Variants in OPCML observed in about 807,000 individuals in gnomAD.
OPCML encodes opioid binding protein/cell adhesion molecule like, also known as opioid-binding protein/cell adhesion molecule.
A neutral mutation model predicts 37.8 loss-of-function variants in OPCML; 13 were observed. The ratio of observed to expected loss-of-function variants is 0.34; its 90% confidence interval spans 0.22 to 0.55. The LOEUF (loss-of-function observed/expected upper bound fraction) is 0.55, where lower values mean the gene tolerates loss of function less well. Ranked by LOEUF, OPCML falls within the 20% of genes least tolerant of loss-of-function variation. The pLI, the probability that OPCML is intolerant of heterozygous loss-of-function variation, is 0.91. For missense variants in OPCML, 341 were observed against 435.6 expected (o/e 0.78, Z 1.93); for synonymous variants, 176 against 168.8 (o/e 1.04, Z -0.33).
At chr11:132,498,455 A>T (rs1330300904) in intron 4 of OPCML, among the ~76,000 whole-genome samples, 1 of 152,234 alleles carries the variant, frequency 6.6e-6, no homozygotes, top group Non-Finnish European at 1.5e-5. Context: ...AATTTTTGCC[A>T]TGCAGCTACA....
Position 132,812,308 on chromosome 11 carries a change from A to C in OPCML, c.146+130618T>G, listed in dbSNP as rs539080233. Among the ~76,000 whole-genome samples, 5 of 152,190 alleles carry C rather than the reference A, an allele frequency of 3.3e-5. 1 individual carries two copies. The South Asian group carries it at 1.0e-3, about 32-fold the overall frequency. On this transcript the variant is annotated intron_variant, in intron 2 of 7. Transcript: ENST00000524381. ...TTTACTCCCTGTGTCTGAAAGGTGA[A>C]CCTGAGCAACAGGTGGCAATAAAAA...
Position 132,811,714 on chromosome 11 carries a change from G to A in OPCML, c.146+131212C>T, listed in dbSNP as rs147980309. Among the ~76,000 whole-genome samples the A allele has an allele frequency of 5.3e-5, 8 of 152,166 alleles. No homozygotes were observed. In the East Asian group the frequency reaches 1.6e-3, roughly 29 times the overall value. ...GCCTTAGAGTGTCGGCAACCCCACA[G>A]GAAATTAATAAGAGCCTTAATCACT... is the stretch of plus-strand genomic sequence containing the variant. On this transcript the variant is annotated intron_variant, in intron 2 of 7. Transcript: ENST00000524381.
intron 1 of OPCML, among the ~76,000 whole-genome samples, chr11:133,493,870 T>C (rs1320998141): frequency 1.3e-5 from 2 of 152,246 alleles, no homozygotes; most frequent in East Asian, 3.9e-4. Context: ...TGGGATCTAA[T>C]TAAACTAAAG....
chr11:132,513,138 T>C (rs764586321), intron 4 of OPCML, among the ~76,000 whole-genome samples: 2 of 152,138 alleles, frequency 1.3e-5, no homozygotes, highest in African/African-American at 2.4e-5. Context: ...CAATGGTTAG[T>C]GCTGCTTAAT....
At chr11:133,245,094 G>A (rs1382717907) in intron 1 of OPCML, among the ~76,000 whole-genome samples, 5 of 152,174 alleles carry the variant, frequency 3.3e-5, no homozygotes, top group Non-Finnish European at 7.3e-5. Flanking sequence ...CTGCCATTGT[G>A]TAAAAGGTGG....
At chr11:133,399,081 G>A (rs536656640) in intron 1 of OPCML, among the ~76,000 whole-genome samples, 1 of 152,202 alleles carries the variant, frequency 6.6e-6, no homozygotes, top group South Asian at 2.1e-4. Flanking sequence ...TTTGTTACTT[G>A]CTTCCCTTTC....
intron 3 of OPCML, among the ~76,000 whole-genome samples, chr11:132,608,077 C>T (rs773951788): frequency 9.2e-5 from 14 of 152,056 alleles, no homozygotes; most frequent in African/African-American, 2.2e-4. Context: ...TTGATCTTTA[C>T]GAATTATATA....
At chr11:132,570,804 T>TATATAGAGAGAGAGAGAGAGAG (rs2096436416) in intron 3 of OPCML, among the ~76,000 whole-genome samples, 1 of 90,762 alleles carries the variant, frequency 1.1e-5, no homozygotes, top group African/African-American at 5.0e-5. Flanking sequence ...TATATATATT[T>TATATAGAGAGAGAGAGAGAGAG]AGAGAGAGAG....
rs146585817 is a variant in OPCML, at chr11:133,522,376, C to A, written c.61+9888G>T. Among the ~76,000 whole-genome samples the A allele has an allele frequency of 6.2e-3, 943 of 152,344 alleles. 8 individuals are homozygous for A. Among genetic ancestry groups the A allele is most frequent in the Middle Eastern group, 0.017 (5 of 294 alleles). The stretch of plus-strand genomic sequence containing the variant: ...GCATTTGGTATTGTACTACCCTGAA[C>A]ATATTCTTCTGCATATCAAGGAGCA... On this transcript the variant is annotated intron_variant, in intron 1 of 7. Transcript: ENST00000524381.
chr11:132,627,888 A>C (rs1281075959), intron 3 of OPCML, among the ~76,000 whole-genome samples: 1 of 152,170 alleles, frequency 6.6e-6, no homozygotes, highest in Non-Finnish European at 1.5e-5. Flanking sequence ...AGACTAAGGT[A>C]GTGTTTTGAA....
intron 3 of OPCML, among the ~76,000 whole-genome samples, chr11:132,644,487 TAAGAAAGAAAAAAAATTAA>T (rs1565740100): frequency 1.3e-5 from 2 of 150,778 alleles, no homozygotes; most frequent in African/African-American, 4.9e-5. Context: ...TAAGAAAAAA[TAAGAAAGAAAAAAAATTAA>T]AAGAAAGAAG....
chr11:132,578,344 C>T (rs1018344445), intron 3 of OPCML, among the ~76,000 whole-genome samples: 3 of 152,110 alleles, frequency 2.0e-5, no homozygotes, highest in African/African-American at 4.8e-5. Flanking sequence ...TTCAATGTAG[C>T]CAATGCCTGA....
At chr11:132,844,099 T>C (rs1941416318) in intron 2 of OPCML, among the ~76,000 whole-genome samples, 1 of 152,220 alleles carries the variant, frequency 6.6e-6, no homozygotes, top group South Asian at 2.1e-4. Flanking sequence ...TTTTGCCTGC[T>C]GCTATTCATG....
intron 4 of OPCML, among the ~76,000 whole-genome samples, chr11:132,447,330 G>A (rs1274941765): frequency 6.6e-6 from 1 of 152,072 alleles, no homozygotes; most frequent in Non-Finnish European, 1.5e-5. Flanking sequence ...AGAGTTTCAC[G>A]CTCTCTTGCC....
intron 3 of OPCML, among the ~76,000 whole-genome samples, chr11:132,580,739 T>C (rs918358522): frequency 2.0e-5 from 3 of 152,190 alleles, no homozygotes; most frequent in Non-Finnish European, 4.4e-5. Context: ...TCCGGTTCTA[T>C]CCTTCCTACC....
chr11:132,683,206 C>A lies in OPCML; in HGVS notation c.147-25887G>T, dbSNP rs144839351. Reference sequence around the variant, plus strand: ...GAGGCTGGAAGAGTTGGAGACCAGCCTGAGCAACACAGAGAGACTCTGTCG... The same window carrying A: ...GAGGCTGGAAGAGTTGGAGACCAGCATGAGCAACACAGAGAGACTCTGTCG... On this transcript the variant is annotated intron_variant, in intron 2 of 7. Transcript: ENST00000524381. 3.0e-4 allele frequency among the ~76,000 whole-genome samples: 45 copies of A among 152,242 alleles called. No homozygotes were observed. The East Asian group carries it at 8.7e-3, about 29-fold the overall frequency.
chr11:133,114,076 C>T (rs1171076604), intron 1 of OPCML, among the ~76,000 whole-genome samples: 6 of 152,206 alleles, frequency 3.9e-5, no homozygotes, highest in Admixed American at 3.9e-4. Flanking sequence ...ATAATCATTC[C>T]TGATACTGGC....
intron 1 of OPCML, among the ~76,000 whole-genome samples, chr11:133,184,072 ACT>A (rs1937960912): frequency 6.6e-6 from 1 of 152,094 alleles, no homozygotes; most frequent in South Asian, 2.1e-4. Flanking sequence ...GGAAGTAGGG[ACT>A]CAGAGGCTGA....
chr11:133,483,586 A>T lies in OPCML; in HGVS notation c.61+48678T>A, dbSNP rs183124282. On this transcript the variant is annotated intron_variant, in intron 1 of 7. Transcript: ENST00000524381. ...GACAAAGGAATGGATGATAGATTAG[A>T]TAGATTCATAGATAGAAAGAGATTT... 2.1e-3 allele frequency among the ~76,000 whole-genome samples: 326 copies of T among 151,874 alleles called. 1 individual carries two copies. The highest frequency in any genetic ancestry group is 7.4e-3 in the African/African-American group (308 of 41,460).
Sources: allele counts gnomAD v4.1 joint callset (sites outside exome capture counted in the v4.1 genomes callset), GRCh38; gene constraint gnomAD v4.1.1; transcripts MANE v1.5; gene names NCBI Gene and HGNC (gene_info 2026-07-23, HGNC 2026-07-21).